The following CACNA1A variants were observed in gnomAD, a reference collection of about 807,000 sequenced individuals.
CACNA1A encodes the protein calcium voltage-gated channel subunit alpha1 A.
Under a neutral mutation model 262.4 loss-of-function variants are expected in CACNA1A, and 57 were observed. The ratio of observed to expected loss-of-function variants is 0.22; its 90% confidence interval spans 0.18 to 0.27. CACNA1A has a LOEUF of 0.27. Ranked by LOEUF, CACNA1A falls within the 10% of genes least tolerant of loss-of-function variation. The pLI, the probability that CACNA1A is intolerant of heterozygous loss-of-function variation, is 1.00. For missense variants in CACNA1A, 2,526 were observed against 3,562.8 expected (o/e 0.71, Z 7.41); for synonymous variants, 1,431 against 1,419.3 (o/e 1.01, Z -0.18).
chr19:13,269,141 TGAGAGACAC>T, intron 24 of CACNA1A, among the ~76,000 whole-genome samples: 1 of 42,394 alleles, frequency 2.4e-5, no homozygotes, highest in Non-Finnish European at 3.9e-5. Flanking sequence ...GGACTACAGG[TGAGAGACAC>T]CACACCCAGC....
At position 13,298,892 on chromosome 19, in the gene CACNA1A, C is replaced by T. The variant is rs373189944; in HGVS notation, c.2741G>A (p.Gly914Glu). The change falls in exon 19 of 47, where the codon GGG becomes GAG. Residue 914 changes from glycine to glutamate, a missense_variant. Coordinates refer to ENST00000360228, the MANE Select transcript of CACNA1A (RefSeq NM_001127222.2). ...TCGCTCGGCCTCGCCCTCCCAGAAC[C>T]CGGGTTGCTCCAGGCTGCCCTCCCG... Reference protein sequence around the residue: ...HAREGSLEQPGFWEGEAERGK... With the variant: ...HAREGSLEQPEFWEGEAERGK... 2 of 1,594,326 alleles carry T rather than the reference C, an allele frequency of 1.3e-6. No homozygotes were observed. The highest frequency in any genetic ancestry group is 8.5e-7 in the Non-Finnish European group (1 of 1,177,838).
chr19:13,277,409 C>G, intron 22 of CACNA1A: 1 of 293,056 alleles, frequency 3.4e-6, no homozygotes, highest in Non-Finnish European at 6.6e-6. Context: ...GGGAAGGGTA[C>G]CTTTTAAAAT....
intron 10 of CACNA1A, among the ~76,000 whole-genome samples, chr19:13,319,717 C>G (rs1404282144): frequency 1.3e-5 from 2 of 152,140 alleles, no homozygotes; most frequent in Admixed American, 1.3e-4. Context: ...TTCAGCTTCC[C>G]CTGAATGAAA....
rs754155547 is a variant in CACNA1A, at chr19:13,286,716, T to G, written c.3340A>C (p.Thr1114Pro). Reference sequence around the variant, plus strand: ...CGGCTGGCGGCGTTCTGGGGGTTGGTGGCCATGGCAGGGATGGCCAGCATG... The same window carrying G: ...CGGCTGGCGGCGTTCTGGGGGTTGGGGGCCATGGCAGGGATGGCCAGCATG... ...GPMLAIPAMA[T>P]NPQNAASRRT... The change falls in exon 20 of 47, where the codon ACC becomes CCC. Residue 1114 changes from threonine to proline, a missense_variant. Around this residue, in one of 17 missense-constraint regions of CACNA1A, gnomAD observed 765 missense variants for 748.6 expected, o/e 1.02. Transcript: ENST00000360228. 4 of 1,593,028 alleles carry G rather than the reference T, an allele frequency of 2.5e-6. No individual in the cohort carries two copies. The highest frequency in any genetic ancestry group is 3.4e-6 in the Non-Finnish European group (4 of 1,168,594).
chr19:13,481,548 G>A (rs1255932055), intron 1 of CACNA1A, among the ~76,000 whole-genome samples: 2 of 152,118 alleles, frequency 1.3e-5, no homozygotes, highest in East Asian at 1.9e-4. Context: ...GGGCGGGGAG[G>A]GGACAGACCA....
intron 10 of CACNA1A, among the ~76,000 whole-genome samples, chr19:13,329,397 A>C (rs866807377): frequency 3.3e-5 from 5 of 151,312 alleles, no homozygotes; most frequent in Admixed American, 6.6e-5. Flanking sequence ...TGCCATTACC[A>C]TTACAGGTTT....
intron 6 of CACNA1A, among the ~76,000 whole-genome samples, chr19:13,338,874 G>GT (rs140839888): frequency 0.044 from 6,592 of 150,718 alleles, 453 homozygotes; most frequent in African/African-American, 0.15. Flanking sequence ...TTAAAAAGTT[G>GT]TTTTTTTTTG....
At chr19:13,352,556 G>T (rs1318946964) in intron 6 of CACNA1A, among the ~76,000 whole-genome samples, 1 of 152,022 alleles carries the variant, frequency 6.6e-6, no homozygotes, top group African/African-American at 2.4e-5. Flanking sequence ...TTTCATATTT[G>T]TACCTTTGAG....
chr19:13,392,323 C>A (rs1386469912), intron 3 of CACNA1A, among the ~76,000 whole-genome samples: 1 of 152,160 alleles, frequency 6.6e-6, no homozygotes, highest in Admixed American at 6.5e-5. Context: ...CGAGACCTTG[C>A]CAATCACCAG....
At position 13,375,685 on chromosome 19, in the gene CACNA1A, G is replaced by A. The variant is rs112133614; in HGVS notation, c.540-3906C>T. 6.0e-3 allele frequency among the ~76,000 whole-genome samples: 917 copies of A among 152,210 alleles called. 9 individuals are homozygous for A. Among genetic ancestry groups the A allele is most frequent in the African/African-American group, 0.021 (857 of 41,544 alleles). The stretch of plus-strand genomic sequence containing the variant: ...CACCTGTGGTCTCAGCTACTTAGGA[G>A]GCTGAGGTGGGAGGATCACTTGGTC... On this transcript the variant is annotated intron_variant, in intron 3 of 46. Coordinates refer to ENST00000360228, the MANE Select transcript of CACNA1A (RefSeq NM_001127222.2).
intron 24 of CACNA1A, among the ~76,000 whole-genome samples, chr19:13,270,034 G>A (rs1024533100): frequency 3.9e-5 from 6 of 152,112 alleles, no homozygotes; most frequent in African/African-American, 1.4e-4. Flanking sequence ...AGCCCTGCCA[G>A]GCCTCAAAGA....
chr19:13,443,458 C>T (rs1235104272), intron 3 of CACNA1A, among the ~76,000 whole-genome samples: 1 of 152,092 alleles, frequency 6.6e-6, no homozygotes, highest in Non-Finnish European at 1.5e-5. Context: ...CCTCCTGCCT[C>T]AGCCTCCTCA....
intron 1 of CACNA1A, among the ~76,000 whole-genome samples, chr19:13,501,145 G>C (rs1417794462): frequency 6.6e-6 from 1 of 151,786 alleles, no homozygotes; most frequent in Non-Finnish European, 1.5e-5. Flanking sequence ...TTGCAGACCA[G>C]TATGTCAAAA....
At chr19:13,367,062 A>C (rs911398063) in intron 4 of CACNA1A, among the ~76,000 whole-genome samples, 1 of 152,172 alleles carries the variant, frequency 6.6e-6, no homozygotes, top group African/African-American at 2.4e-5. Flanking sequence ...TGGGAAGCCG[A>C]GGCCAGCGGA....
intron 40 of CACNA1A, among the ~76,000 whole-genome samples, chr19:13,213,228 C>T (rs557472993): frequency 6.6e-6 from 1 of 152,258 alleles, no homozygotes; most frequent in South Asian, 2.1e-4. Flanking sequence ...CCCAAACAAC[C>T]CAGGCACGGT....
intron 3 of CACNA1A, 54 bp downstream of exon 3, chr19:13,452,822 G>A (rs997221229): frequency 3.2e-6 from 5 of 1,560,618 alleles, no homozygotes; most frequent in Non-Finnish European, 4.4e-6. Context: ...CCAACCAAAA[G>A]CCTCGTAATC....
intron 6 of CACNA1A, among the ~76,000 whole-genome samples, chr19:13,350,421 A>G (rs1272635353): frequency 6.6e-6 from 1 of 152,194 alleles, no homozygotes; most frequent in Non-Finnish European, 1.5e-5. Context: ...GGGTCTGTGG[A>G]CAGAATTCAA....
intron 19 of CACNA1A, among the ~76,000 whole-genome samples, chr19:13,290,827 A>T (rs902700920): frequency 1.3e-5 from 2 of 152,176 alleles, no homozygotes; most frequent in Non-Finnish European, 2.9e-5. Context: ...AATTTCAAAG[A>T]GAACCTAAAT....
intron 38 of CACNA1A, among the ~76,000 whole-genome samples, chr19:13,220,476 C>T (rs1331566728): frequency 1.3e-5 from 2 of 152,174 alleles, no homozygotes; most frequent in East Asian, 3.8e-4. Flanking sequence ...CTCAGTCCTA[C>T]AGCCACAAGG....
Sources: allele counts gnomAD v4.1 joint callset (sites outside exome capture counted in the v4.1 genomes callset), GRCh38; gene constraint gnomAD v4.1.1; regional missense constraint gnomAD v4.1.1; transcripts MANE v1.5; gene names NCBI Gene and HGNC (gene_info 2026-07-23, HGNC 2026-07-21).